MYRIP: variants seen among roughly 807,000 people sequenced by gnomAD.
MYRIP encodes rab effector MyRIP.
MYRIP carries 49 observed loss-of-function variants against 98.0 expected under a neutral mutation model. That is an observed-to-expected ratio of 0.50 (90% CI 0.40 to 0.63). The LOEUF (loss-of-function observed/expected upper bound fraction) is 0.63, where lower values mean the gene tolerates loss of function less well. Among genes scored for constraint, MYRIP ranks in the 30% least tolerant of loss-of-function variants. The probability of loss-of-function intolerance (pLI) is 0.00; values close to 1 mark genes in which losing one functional copy is unlikely to be tolerated. For missense variants in MYRIP, 1,004 were observed against 1,058.2 expected (o/e 0.95, Z 0.71); for synonymous variants, 404 against 409.5 (o/e 0.99, Z 0.16).
At chr3:39,830,875 C>T (rs1941424711) in intron 1 of MYRIP, among the ~76,000 whole-genome samples, 1 of 152,166 alleles carries the variant, frequency 6.6e-6, no homozygotes, top group African/African-American at 2.4e-5. Flanking sequence ...TCGCTGTATG[C>T]AAATAATCTT....
intron 1 of MYRIP, among the ~76,000 whole-genome samples, chr3:39,899,781 G>T (rs1404545331): frequency 6.6e-6 from 1 of 152,136 alleles, no homozygotes; most frequent in Non-Finnish European, 1.5e-5. Flanking sequence ...TTGCAGTTCT[G>T]TAATTACCAT....
intron 1 of MYRIP, among the ~76,000 whole-genome samples, chr3:39,850,746 T>G (rs1559496371): frequency 6.6e-6 from 1 of 152,202 alleles, no homozygotes; most frequent in Admixed American, 6.5e-5. Flanking sequence ...TGGTCTAATT[T>G]CAAATGTAGC....
chr3:39,858,878 G>T (rs1393461137), intron 1 of MYRIP, among the ~76,000 whole-genome samples: 1 of 151,958 alleles, frequency 6.6e-6, no homozygotes, highest in Non-Finnish European at 1.5e-5. Flanking sequence ...TTAAGAGGAG[G>T]CAGTAAAAGC....
chr3:40,008,656 A>G (rs1946687446), intron 2 of MYRIP, among the ~76,000 whole-genome samples: 2 of 152,176 alleles, frequency 1.3e-5, no homozygotes, highest in South Asian at 4.1e-4. Flanking sequence ...AATATTGGTA[A>G]TTATAGCAAG....
At chr3:40,042,615 A>C (rs1013318096) in intron 2 of MYRIP, among the ~76,000 whole-genome samples, 3 of 152,190 alleles carry the variant, frequency 2.0e-5, no homozygotes, top group Non-Finnish European at 1.5e-5. Flanking sequence ...GTCATAGTAA[A>C]AATAAAAATA....
At chr3:39,942,096 G>A (rs1314547097) in intron 2 of MYRIP, among the ~76,000 whole-genome samples, 1 of 152,128 alleles carries the variant, frequency 6.6e-6, no homozygotes, top group African/African-American at 2.4e-5. Flanking sequence ...TTTAGTTACT[G>A]TAAATTAAGC....
chr3:39,863,837 C>CAA (rs1942542090), intron 1 of MYRIP, among the ~76,000 whole-genome samples: 1 of 151,658 alleles, frequency 6.6e-6, no homozygotes, highest in Non-Finnish European at 1.5e-5. Flanking sequence ...AGCAGGGACA[C>CAA]AACAACAACA....
At chr3:39,996,545 G>C (rs1559553627) in intron 2 of MYRIP, among the ~76,000 whole-genome samples, 1 of 152,096 alleles carries the variant, frequency 6.6e-6, no homozygotes, top group Non-Finnish European at 1.5e-5. Context: ...AGTCCTTAGA[G>C]ACCTACAAAG....
Position 40,120,644 on chromosome 3 carries a change from G to A in MYRIP, c.333-30404G>A, listed in dbSNP as rs763988152. ...ATATGGTTGAGGAAAGAATCCATACGTCCTGGCTGTTCTTTGCTATCTCAG... is the reference window on the plus strand; with the variant it reads ...ATATGGTTGAGGAAAGAATCCATACATCCTGGCTGTTCTTTGCTATCTCAG... On this transcript the variant is annotated intron_variant, in intron 3 of 16. Transcript: ENST00000302541. 3.0e-4 allele frequency among the ~76,000 whole-genome samples: 46 copies of A among 152,266 alleles called. No individual in the cohort carries two copies. In the South Asian group the frequency reaches 3.5e-3, roughly 12 times the overall value.
intron 2 of MYRIP, among the ~76,000 whole-genome samples, chr3:40,039,768 T>A (rs1947469874): frequency 1.3e-5 from 2 of 151,922 alleles, no homozygotes; most frequent in Non-Finnish European, 2.9e-5. Context: ...TTCCTGAGGC[T>A]GCTGTAACAA....
At chr3:40,222,833 G>A (rs66487055) in intron 11 of MYRIP, among the ~76,000 whole-genome samples, 13,251 of 152,132 alleles carry the variant, frequency 0.087, 892 homozygotes, top group African/African-American at 0.2. Context: ...TAAAAAATCC[G>A]TTTTATTCAA....
At chr3:40,237,427 A>G (rs1559470362) in intron 12 of MYRIP, among the ~76,000 whole-genome samples, 1 of 152,202 alleles carries the variant, frequency 6.6e-6, no homozygotes, top group Non-Finnish European at 1.5e-5. Flanking sequence ...CCAGTGTGAC[A>G]GTCAAAAATG....
At chr3:40,122,244 G>A (rs6805575) in intron 3 of MYRIP, among the ~76,000 whole-genome samples, 113,864 of 151,594 alleles carry the variant, frequency 0.75, 43,849 homozygotes, top group Non-Finnish European at 0.83. Flanking sequence ...AAATGAAAAA[G>A]AAATTGGACA....
intron 1 of MYRIP, among the ~76,000 whole-genome samples, chr3:39,877,113 C>T (rs1006319522): frequency 1.3e-5 from 2 of 152,178 alleles, no homozygotes; most frequent in African/African-American, 4.8e-5. Context: ...CACTGATACC[C>T]TTTCTTCCAG....
intron 1 of MYRIP, among the ~76,000 whole-genome samples, chr3:39,829,033 G>A (rs997730992): frequency 1.3e-5 from 2 of 152,124 alleles, no homozygotes; most frequent in Admixed American, 6.5e-5. Context: ...TCTACTTTTA[G>A]TTCTTTAAGG....
chr3:40,113,147 CTTTG>C (rs1323085683), intron 3 of MYRIP, among the ~76,000 whole-genome samples: 11 of 152,134 alleles, frequency 7.2e-5, no homozygotes, highest in Admixed American at 5.2e-4. Flanking sequence ...AAATAAAGGT[CTTTG>C]TTTGTTTTCT....
At chr3:40,158,572 A>T (rs1376657892) in intron 4 of MYRIP, among the ~76,000 whole-genome samples, 1 of 152,060 alleles carries the variant, frequency 6.6e-6, no homozygotes, top group African/African-American at 2.4e-5. Context: ...TGTCTCGTTG[A>T]TCTGTCTAAT....
intron 8 of MYRIP, among the ~76,000 whole-genome samples, chr3:40,180,606 C>T (rs1409616652): frequency 1.3e-5 from 2 of 152,208 alleles, no homozygotes; most frequent in African/African-American, 4.8e-5. Flanking sequence ...ACTGATAAGG[C>T]AAGGAGAGCT....
At chr3:39,870,662 G>A in intron 1 of MYRIP, among the ~76,000 whole-genome samples, 1 of 152,244 alleles carries the variant, frequency 6.6e-6, no homozygotes, top group East Asian at 1.9e-4. Context: ...AAACTTGGAT[G>A]CAAAATCAGA....
Sources: gnomAD v4.1 joint callset for allele counts (sites outside exome capture counted in the v4.1 genomes callset) on GRCh38, gnomAD v4.1.1 for gene constraint, MANE v1.5 for transcripts, NCBI Gene and HGNC (gene_info 2026-07-23, HGNC 2026-07-21) for gene names.